The following MTMR12 variants were observed in gnomAD, a reference collection of about 807,000 sequenced individuals.
MTMR12 encodes myotubularin related protein 12, also known as myotubularin-related protein 12.
Under a neutral mutation model 96.7 loss-of-function variants are expected in MTMR12, and 33 were observed. The ratio of observed to expected loss-of-function variants is 0.34; its 90% confidence interval spans 0.26 to 0.46. The LOEUF (loss-of-function observed/expected upper bound fraction) is 0.46. Ranked by LOEUF, MTMR12 falls within the 20% of genes least tolerant of loss-of-function variation. MTMR12 has a pLI of 1.00. For synonymous variants in MTMR12, 298 were observed against 327.2 expected (o/e 0.91, Z 0.96); for missense variants, 721 against 896.1 (o/e 0.80, Z 2.49).
At chr5:32,298,831 T>C (rs1751020537) in intron 1 of MTMR12, among the ~76,000 whole-genome samples, 1 of 151,330 alleles carries the variant, frequency 6.6e-6, no homozygotes, top group Non-Finnish European at 1.5e-5. Flanking sequence ...CAGGCGTCTG[T>C]AGTCCCAGCT....
intron 12 of MTMR12, among the ~76,000 whole-genome samples, chr5:32,239,782 T>C (rs930272598): frequency 6.6e-5 from 10 of 152,252 alleles, no homozygotes; most frequent in Non-Finnish European, 1.5e-5. Context: ...CTTTTCTGTT[T>C]GAGGGGCACA....
At chr5:32,273,952 A>G in intron 3 of MTMR12, 28 bp downstream of exon 3, 1 of 1,613,000 alleles carries the variant, frequency 6.2e-7, no homozygotes, top group Non-Finnish European at 8.5e-7. Context: ...GTTGCCCACA[A>G]ACTCTGCCAA....
chr5:32,267,484 G>A (rs1056295543), intron 6 of MTMR12, among the ~76,000 whole-genome samples: 6 of 152,118 alleles, frequency 3.9e-5, no homozygotes, highest in African/African-American at 7.2e-5. Context: ...CCAATGCTAG[G>A]CATTGTTAAT....
chr5:32,283,551 A>G (rs1217400859), intron 1 of MTMR12, among the ~76,000 whole-genome samples: 1 of 152,224 alleles, frequency 6.6e-6, no homozygotes, highest in Non-Finnish European at 1.5e-5. Context: ...CCCTGTGCGC[A>G]GTCTGCGTTC....
At chr5:32,288,213 C>G (rs1437898409) in intron 1 of MTMR12, among the ~76,000 whole-genome samples, 1 of 152,124 alleles carries the variant, frequency 6.6e-6, no homozygotes, top group Admixed American at 6.6e-5. Flanking sequence ...GTGGGAGGAC[C>G]CTGATGAAGC....
chr5:32,286,648 T>C (rs968894833), intron 1 of MTMR12, among the ~76,000 whole-genome samples: 2 of 152,204 alleles, frequency 1.3e-5, no homozygotes, highest in African/African-American at 4.8e-5. Context: ...ATCATCTCAT[T>C]TATTATTCAG....
chr5:32,263,325 T>C, intron 6 of MTMR12, 83 bp from the exon 7 acceptor site: 1 of 1,554,778 alleles, frequency 6.4e-7, no homozygotes. Context: ...CTCCTTAGGT[T>C]TTGGTTTCCT....
intron 1 of MTMR12, among the ~76,000 whole-genome samples, chr5:32,290,089 C>A (rs1750684679): frequency 6.6e-6 from 1 of 152,248 alleles, no homozygotes; most frequent in African/African-American, 2.4e-5. Context: ...ATTAACACAT[C>A]TCCTGGTACC....
At chr5:32,232,662 A>G (rs1220613046) in intron 15 of MTMR12, among the ~76,000 whole-genome samples, 1 of 152,194 alleles carries the variant, frequency 6.6e-6, no homozygotes, top group African/African-American at 2.4e-5. Context: ...AGAAAAACCA[A>G]TTTCTGGCCA....
chr5:32,276,659 T>C (rs767402673), intron 2 of MTMR12, 23 bp downstream of exon 2: 42 of 1,603,324 alleles, frequency 2.6e-5, no homozygotes, highest in Non-Finnish European at 3.3e-5. Context: ...GCATAGGAGT[T>C]ACTATGCTAA....
chr5:32,289,006 A>G (rs1750648560), intron 1 of MTMR12, among the ~76,000 whole-genome samples: 2 of 152,210 alleles, frequency 1.3e-5, no homozygotes, highest in Admixed American at 1.3e-4. Context: ...CTGTATGTCA[A>G]ATCTAACAGT....
chr5:32,286,856 C>T (rs1174541932), intron 1 of MTMR12, among the ~76,000 whole-genome samples: 7 of 152,154 alleles, frequency 4.6e-5, no homozygotes. Context: ...GGCACTGCTC[C>T]TCTCGAGTTC....
intron 15 of MTMR12, among the ~76,000 whole-genome samples, chr5:32,232,238 C>A (rs564106661): frequency 2.2e-4 from 34 of 152,356 alleles, no homozygotes; most frequent in South Asian, 8.3e-4. Context: ...AGAGTCTCTG[C>A]AGAACTTCCC....
intron 1 of MTMR12, among the ~76,000 whole-genome samples, chr5:32,308,588 C>A (rs1023451819): frequency 1.3e-5 from 2 of 151,988 alleles, no homozygotes; most frequent in African/African-American, 2.4e-5. Context: ...TGCCTTCTCA[C>A]CCCTTCCTAC....
At chr5:32,269,953 T>C (rs1236882321) in intron 5 of MTMR12, among the ~76,000 whole-genome samples, 2 of 152,238 alleles carry the variant, frequency 1.3e-5, no homozygotes, top group Non-Finnish European at 2.9e-5. Context: ...TACTCTTTTG[T>C]TGCTCAGAAT....
chr5:32,247,047 G>T (rs1748719681), intron 10 of MTMR12, among the ~76,000 whole-genome samples: 1 of 152,146 alleles, frequency 6.6e-6, no homozygotes, highest in South Asian at 2.1e-4. Flanking sequence ...TTAAGAATTT[G>T]CTAGGCTAAA....
chr5:32,230,749 GAA>G (rs200680342), intron 15 of MTMR12, among the ~76,000 whole-genome samples: 2,990 of 152,280 alleles, frequency 0.02, 51 homozygotes, highest in Middle Eastern at 0.027. Flanking sequence ...GTTCTAAAGG[GAA>G]AAAGATGTTT....
At chr5:32,235,160 G>T in intron 13 of MTMR12, 31 bp from the exon 14 acceptor site, 1 of 1,594,694 alleles carries the variant, frequency 6.3e-7, no homozygotes, top group South Asian at 1.1e-5. Flanking sequence ...TTACTTGGTG[G>T]GCAGAGCCCA....
At chr5:32,305,956 A>G (rs1751342588) in intron 1 of MTMR12, among the ~76,000 whole-genome samples, 1 of 152,124 alleles carries the variant, frequency 6.6e-6, no homozygotes, top group African/African-American at 2.4e-5. Flanking sequence ...TATGTGCTGA[A>G]CTAATTAATT....
Sources: allele counts gnomAD v4.1 joint callset (sites outside exome capture counted in the v4.1 genomes callset), GRCh38; gene constraint gnomAD v4.1.1; transcripts MANE v1.5; gene names NCBI Gene and HGNC (gene_info 2026-07-23, HGNC 2026-07-21).